Variants in STK39 observed in about 807,000 individuals in gnomAD.
STK39 encodes serine/threonine kinase 39, also known as STE20/SPS1-related proline-alanine-rich protein kinase.
STK39 carries 20 observed loss-of-function variants against 77.8 expected under a neutral mutation model. The observed-to-expected ratio is 0.26, with a 90% CI of 0.18 to 0.37. The LOEUF (loss-of-function observed/expected upper bound fraction) is 0.37. STK39 is among the 10% of genes least tolerant of loss of function. STK39 has a pLI of 1.00. For missense variants in STK39, 479 were observed against 656.5 expected, an observed-to-expected ratio of 0.73 and a Z score of 2.95; for synonymous variants, 246 against 234.1, an observed-to-expected ratio of 1.05 and a Z score of -0.47.
At chr2:168,052,429 A>T (rs1685422238) in intron 14 of STK39, among the ~76,000 whole-genome samples, 1 of 152,258 alleles carries the variant, frequency 6.6e-6, no homozygotes, top group African/African-American at 2.4e-5. Context: ...TTAAAAGAAC[A>T]AAATATAGGA....
chr2:168,146,241 C>CT (rs1471610842), intron 5 of STK39, among the ~76,000 whole-genome samples: 1 of 152,204 alleles, frequency 6.6e-6, no homozygotes, highest in Non-Finnish European at 1.5e-5. Flanking sequence ...GGCTTGCTTG[C>CT]TAATGAAGGG....
At chr2:168,159,755 C>T (rs1347266572) in intron 5 of STK39, among the ~76,000 whole-genome samples, 1 of 152,172 alleles carries the variant, frequency 6.6e-6, no homozygotes, top group Non-Finnish European at 1.5e-5. Context: ...TGTTATTACA[C>T]AAGCATGAAG....
At chr2:168,162,432 C>G (rs1393124272) in intron 4 of STK39, among the ~76,000 whole-genome samples, 1 of 151,790 alleles carries the variant, frequency 6.6e-6, no homozygotes, top group East Asian at 1.9e-4. Flanking sequence ...TAAATAGACT[C>G]TCTATTTTAT....
At chr2:168,006,297 A>T (rs532269881) in intron 16 of STK39, among the ~76,000 whole-genome samples, 1 of 152,352 alleles carries the variant, frequency 6.6e-6, no homozygotes, top group East Asian at 1.9e-4. Context: ...GCTTAGCCTA[A>T]CATACCCACT....
chr2:168,137,487 A>G (rs1345488816), intron 8 of STK39, among the ~76,000 whole-genome samples: 1 of 152,238 alleles, frequency 6.6e-6, no homozygotes, highest in Admixed American at 6.5e-5. Flanking sequence ...CAGAAAACAG[A>G]CACACTACAG....
chr2:168,237,473 A>C (rs1200312181), intron 1 of STK39, among the ~76,000 whole-genome samples: 1 of 152,218 alleles, frequency 6.6e-6, no homozygotes, highest in Admixed American at 6.5e-5. Context: ...CAGAACTTCC[A>C]ACACTATGTT....
intron 12 of STK39, among the ~76,000 whole-genome samples, chr2:168,068,730 T>C (rs1685861628): frequency 6.6e-6 from 1 of 152,168 alleles, no homozygotes; most frequent in South Asian, 2.1e-4. Context: ...AAAAGGGCAG[T>C]CACCTGCAAT....
chr2:168,208,396 C>T (rs1247826448), intron 1 of STK39, among the ~76,000 whole-genome samples: 2 of 152,176 alleles, frequency 1.3e-5, no homozygotes, highest in Admixed American at 1.3e-4. Context: ...AACTTTCTGA[C>T]TTTTCTGACA....
intron 10 of STK39, among the ~76,000 whole-genome samples, chr2:168,092,036 C>T (rs1278609664): frequency 1.3e-5 from 2 of 152,170 alleles, no homozygotes; most frequent in Admixed American, 1.3e-4. Context: ...ACTGGATCCC[C>T]CCAAAATCCA....
At chr2:168,117,756 G>A (rs113827673) in intron 10 of STK39, among the ~76,000 whole-genome samples, 9 of 152,226 alleles carry the variant, frequency 5.9e-5, no homozygotes, top group African/African-American at 1.9e-4. Flanking sequence ...GTTGAAGGCC[G>A]AGGTGGCCCG....
At chr2:168,093,860 C>G (rs1402364397) in intron 10 of STK39, among the ~76,000 whole-genome samples, 1 of 152,186 alleles carries the variant, frequency 6.6e-6, no homozygotes, top group Admixed American at 6.5e-5. Flanking sequence ...AAAGCCCAAT[C>G]TCCTCATCAA....
intron 16 of STK39, among the ~76,000 whole-genome samples, chr2:167,969,282 C>G (rs1394568139): frequency 6.6e-6 from 1 of 152,202 alleles, no homozygotes; most frequent in Admixed American, 6.5e-5. Flanking sequence ...AGCCCTCTTT[C>G]TAATACTCAC....
intron 14 of STK39, among the ~76,000 whole-genome samples, chr2:168,025,718 A>T (rs1183664353): frequency 6.6e-6 from 1 of 152,238 alleles, no homozygotes. Context: ...AAGATTAGGC[A>T]ATATGAGGAT....
At chr2:167,959,031 C>T (rs186380710) in intron 17 of STK39, among the ~76,000 whole-genome samples, 8 of 152,222 alleles carry the variant, frequency 5.3e-5, no homozygotes, top group Admixed American at 4.6e-4. Flanking sequence ...CTTACAGTAG[C>T]GATACAAGTT....
At chr2:168,159,297 T>C (rs551453857) in intron 5 of STK39, among the ~76,000 whole-genome samples, 6 of 152,210 alleles carry the variant, frequency 3.9e-5, no homozygotes, top group African/African-American at 1.2e-4. Context: ...AATGTATTAT[T>C]TGTCCAGGTA....
At position 167,959,675 on chromosome 2, in the gene STK39, A is replaced by G. The variant is rs540090405; in HGVS notation, c.1564-4105T>C. Among the ~76,000 whole-genome samples the G allele has an allele frequency of 6.6e-5, 10 of 152,302 alleles. No individual in the cohort carries two copies. In the South Asian group the frequency reaches 1.9e-3, roughly 28 times the overall value. ...TCCCACTTCATAGCACTGAACACTC[A>G]AAAGATGTGTCCTGTAGCTGAAATT... On this transcript the variant is annotated intron_variant, in intron 17 of 17. Transcript: ENST00000355999.
intron 1 of STK39, among the ~76,000 whole-genome samples, chr2:168,203,074 T>A (rs543821494): frequency 5.2e-4 from 79 of 152,294 alleles, no homozygotes; most frequent in African/African-American, 1.7e-3. Context: ...TACTGTCCTG[T>A]GTCCTGAAGA....
chr2:167,967,696 C>T (rs1237539734), intron 16 of STK39, among the ~76,000 whole-genome samples: 3 of 152,166 alleles, frequency 2.0e-5, no homozygotes, highest in Non-Finnish European at 4.4e-5. Flanking sequence ...GGCAAGGCAG[C>T]GGAGCCGACA....
At chr2:168,086,662 C>T (rs1010465084) in intron 10 of STK39, among the ~76,000 whole-genome samples, 1 of 152,166 alleles carries the variant, frequency 6.6e-6, no homozygotes, top group Non-Finnish European at 1.5e-5. Flanking sequence ...TGGTGAAAGA[C>T]ACATTTATAG....
Sources: gnomAD v4.1 joint callset for allele counts (sites outside exome capture counted in the v4.1 genomes callset) on GRCh38, gnomAD v4.1.1 for gene constraint, MANE v1.5 for transcripts, NCBI Gene and HGNC (gene_info 2026-07-23, HGNC 2026-07-21) for gene names.